The following PAK5 variants were observed in gnomAD, a reference collection of about 807,000 sequenced individuals.
PAK5 encodes the protein p21 (RAC1) activated kinase 5, also known as serine/threonine-protein kinase PAK 5.
Under a neutral mutation model 65.9 loss-of-function variants are expected in PAK5, and 16 were observed. That is an observed-to-expected ratio of 0.24 (90% CI 0.16 to 0.37). The LOEUF is 0.37. Among genes scored for constraint, PAK5 ranks in the 10% least tolerant of loss-of-function variants. The probability of loss-of-function intolerance (pLI) is 1.00; values close to 1 mark genes in which losing one functional copy is unlikely to be tolerated. For synonymous variants in PAK5, 371 were observed against 354.9 expected (o/e 1.05, Z -0.51); for missense variants, 785 against 903.9 (o/e 0.87, Z 1.69).
At chr20:9,641,955 C>T (rs2047073446) in intron 3 of PAK5, among the ~76,000 whole-genome samples, 1 of 152,170 alleles carries the variant, frequency 6.6e-6, no homozygotes, top group South Asian at 2.1e-4. Flanking sequence ...AGCCCCGGTT[C>T]CCACTTGTGC....
In PAK5 at chr20:9,620,834, TC is replaced by T. The variant is rs376680504; in HGVS notation, c.204+23290del. Among the ~76,000 whole-genome samples, 16 of 152,126 alleles carry T rather than the reference TC, an allele frequency of 1.1e-4. No individual in the cohort carries two copies. The East Asian group carries it at 1.9e-3, about 18-fold the overall frequency. ...ACGCCATCAGTCCCCAGGTGTAGTTTCCATTTTGTCTTCCTCTAATCATGGG... is the reference window on the plus strand; with the variant it reads ...ACGCCATCAGTCCCCAGGTGTAGTTTCATTTTGTCTTCCTCTAATCATGGG... On this transcript the variant is annotated intron_variant, in intron 3 of 9. Coordinates refer to ENST00000353224, the MANE Select transcript of PAK5 (RefSeq NM_177990.4).
At chr20:9,787,126 A>G (rs2049000753) in intron 1 of PAK5, among the ~76,000 whole-genome samples, 1 of 152,186 alleles carries the variant, frequency 6.6e-6, no homozygotes, top group Admixed American at 6.6e-5. Flanking sequence ...AAGCACAGTA[A>G]ATTCACATAT....
chr20:9,538,335 C>T lies in PAK5; in HGVS notation c.*1127G>A. 4.3e-6 allele frequency: 1 copy of T among 233,654 alleles called. No homozygotes were observed. Among genetic ancestry groups the T allele is most frequent in the East Asian group, 6.0e-5 (1 of 16,568 alleles). 14.5% of individuals were successfully genotyped at this position (233,654 alleles called of 1,614,324 possible). A position where few individuals can be genotyped will look rare whatever the true frequency, so the allele number is the denominator to read the frequency against. The stretch of plus-strand genomic sequence containing the variant: ...GTCAGTTCAGACTTCCAGCACGATA[C>T]ATGAACAATAGCGATTAATACTGTG... On this transcript the variant is annotated 3_prime_UTR_variant, in exon 10 of 10. Transcript: ENST00000353224.
chr20:9,761,212 A>C (rs1569076930), intron 1 of PAK5, among the ~76,000 whole-genome samples: 1 of 152,080 alleles, frequency 6.6e-6, no homozygotes, highest in Non-Finnish European at 1.5e-5. Context: ...TCCAGGCCTG[A>C]TGCTGTATTA....
At chr20:9,592,655 G>A (rs1258131239) in intron 3 of PAK5, among the ~76,000 whole-genome samples, 1 of 152,214 alleles carries the variant, frequency 6.6e-6, no homozygotes, top group East Asian at 1.9e-4. Context: ...TCTATGGGCA[G>A]CTTCTGCAAA....
At chr20:9,752,790 C>T (rs551920684) in intron 1 of PAK5, among the ~76,000 whole-genome samples, 84 of 152,254 alleles carry the variant, frequency 5.5e-4, no homozygotes, top group African/African-American at 1.9e-3. Context: ...AATGTGACTT[C>T]ACAACCCCTC....
chr20:9,836,579 T>C (rs529753890), intron 1 of PAK5, among the ~76,000 whole-genome samples: 1 of 152,166 alleles, frequency 6.6e-6, no homozygotes, highest in African/African-American at 2.4e-5. Context: ...AACATCTTGA[T>C]TTTGGACCTC....
At chr20:9,621,113 T>C (rs1020975153) in intron 3 of PAK5, among the ~76,000 whole-genome samples, 3 of 149,528 alleles carry the variant, frequency 2.0e-5, no homozygotes, top group African/African-American at 7.4e-5. Context: ...CAAAAGAGAG[T>C]GTCTGGAAAT....
chr20:9,673,936 T>C (rs546921414), intron 2 of PAK5, among the ~76,000 whole-genome samples: 112 of 152,048 alleles, frequency 7.4e-4, no homozygotes, highest in Non-Finnish European at 1.2e-3. Flanking sequence ...TAAAATCTGG[T>C]GAGAAAAGTT....
intron 4 of PAK5, among the ~76,000 whole-genome samples, chr20:9,579,217 T>C (rs148798119): frequency 1.3e-3 from 194 of 152,336 alleles, no homozygotes; most frequent in Non-Finnish European, 1.3e-3. Flanking sequence ...TGAGAAGTCA[T>C]GTCCCTCTCA....
At chr20:9,691,189 C>A (rs1438340959) in intron 2 of PAK5, among the ~76,000 whole-genome samples, 1 of 152,138 alleles carries the variant, frequency 6.6e-6, no homozygotes, top group Admixed American at 6.6e-5. Context: ...CTCAGACATG[C>A]CTAAGAAGAA....
At chr20:9,804,978 T>A (rs567969359) in intron 1 of PAK5, among the ~76,000 whole-genome samples, 2 of 152,276 alleles carry the variant, frequency 1.3e-5, no homozygotes, top group East Asian at 3.9e-4. Context: ...TAATATTATA[T>A]CTGATAATGG....
rs546455767 is a variant in PAK5, at chr20:9,734,521, GA to G, written c.-161-23087del. On this transcript the variant is annotated intron_variant, in intron 1 of 9. Transcript: ENST00000353224. The stretch of plus-strand genomic sequence containing the variant: ...AAAGATACAAGAAGAAAGCAAGAGA[GA>G]AAAAGACTGATAGACACACACGCGC... Among the ~76,000 whole-genome samples, 133 of 151,122 alleles carry G rather than the reference GA, an allele frequency of 8.8e-4. 1 individual carries two copies. The highest frequency in any genetic ancestry group is 2.9e-3 in the African/African-American group (119 of 41,162).
intron 8 of PAK5, 34 bp downstream of exon 8, chr20:9,544,335 A>C: frequency 6.2e-7 from 1 of 1,607,824 alleles, no homozygotes; most frequent in Non-Finnish European, 8.5e-7. Flanking sequence ...GCCTGTCCCC[A>C]GTCCTGCCAC....
intron 2 of PAK5, among the ~76,000 whole-genome samples, chr20:9,685,734 A>G (rs183843938): frequency 6.6e-6 from 1 of 152,364 alleles, no homozygotes; most frequent in Non-Finnish European, 1.5e-5. Flanking sequence ...GGATGTTCTC[A>G]GAATTTCAAG....
At chr20:9,559,639 C>T (rs1015357948) in intron 6 of PAK5, among the ~76,000 whole-genome samples, 22 of 151,940 alleles carry the variant, frequency 1.4e-4, no homozygotes, top group Non-Finnish European at 2.8e-4. Context: ...GGCCGGCGCT[C>T]GTAATTCCAG....
chr20:9,817,265 T>C lies in PAK5; in HGVS notation c.-162+21497A>G, dbSNP rs188558059. Among the ~76,000 whole-genome samples, 20 of 152,308 alleles carry C rather than the reference T, an allele frequency of 1.3e-4. No individual in the cohort carries two copies. The East Asian group carries it at 1.7e-3, about 13-fold the overall frequency. ...TTTCCATGATTTTAAATACGTATAATTTTTTTAAAAATCTATCCAAATGAA... is the reference window on the plus strand; with the variant it reads ...TTTCCATGATTTTAAATACGTATAACTTTTTTAAAAATCTATCCAAATGAA... On this transcript the variant is annotated intron_variant, in intron 1 of 9. Coordinates refer to ENST00000353224, the MANE Select transcript of PAK5 (RefSeq NM_177990.4).
At chr20:9,635,854 G>A (rs2046977117) in intron 3 of PAK5, among the ~76,000 whole-genome samples, 1 of 152,230 alleles carries the variant, frequency 6.6e-6, no homozygotes, top group Admixed American at 6.5e-5. Context: ...TGAGCTTTAA[G>A]AAGAGACCTG....
At chr20:9,794,222 T>A (rs113548804) in intron 1 of PAK5, among the ~76,000 whole-genome samples, 3 of 151,820 alleles carry the variant, frequency 2.0e-5, no homozygotes. Flanking sequence ...AGATACCTAA[T>A]GCATGTGGGG....
Sources: gnomAD v4.1 joint callset for allele counts (sites outside exome capture counted in the v4.1 genomes callset) on GRCh38, gnomAD v4.1.1 for gene constraint, MANE v1.5 for transcripts, NCBI Gene and HGNC (gene_info 2026-07-23, HGNC 2026-07-21) for gene names.